PDE4D: variants seen among roughly 807,000 people sequenced by gnomAD.
PDE4D encodes phosphodiesterase 4D.
Under a neutral mutation model 87.4 loss-of-function variants are expected in PDE4D, and 24 were observed. That is an observed-to-expected ratio of 0.27 (90% CI 0.20 to 0.39). The LOEUF (loss-of-function observed/expected upper bound fraction) is 0.39. Ranked by LOEUF, PDE4D falls within the 10% of genes least tolerant of loss-of-function variation. The pLI is 1.00. For missense variants in PDE4D, 714 were observed against 1,041.0 expected (o/e 0.69, Z 4.32); for synonymous variants, 384 against 383.2 (o/e 1.00, Z -0.02).
chr5:59,743,766 T>C (rs1413571593), intron 1 of PDE4D, among the ~76,000 whole-genome samples: 1 of 152,190 alleles, frequency 6.6e-6, no homozygotes, highest in African/African-American at 2.4e-5. Context: ...ATATGACTGC[T>C]GAACAGAGTC....
intron 2 of PDE4D, among the ~76,000 whole-genome samples, chr5:60,031,753 CTT>C (rs931074163): frequency 6.6e-6 from 1 of 151,428 alleles, no homozygotes; most frequent in African/African-American, 2.4e-5. Context: ...AATAATATGT[CTT>C]ATAATAAGAG....
rs886697920 is a variant in PDE4D, at chr5:58,970,164, G to C, written c.*4500C>G. ...AGTACTATCCCCGTGGGCTGTAAGA[G>C]AGGCTAAGAAACCACTAAAAGAATA... On this transcript the variant is annotated 3_prime_UTR_variant, in exon 15 of 15. Coordinates refer to ENST00000340635, the MANE Select transcript of PDE4D (RefSeq NM_001104631.2). 2.0e-5 allele frequency: 3 copies of C among 152,078 alleles called. No homozygotes were observed. The highest frequency in any genetic ancestry group is 6.6e-5 in the Admixed American group (1 of 15,252). The allele number at this position is 152,078 out of a possible 1,614,324, so 9.4% of individuals were successfully genotyped here. A position where few individuals can be genotyped will look rare whatever the true frequency, so the allele number is the denominator to read the frequency against.
At chr5:59,841,657 G>A (rs1743009633) in intron 1 of PDE4D, among the ~76,000 whole-genome samples, 1 of 151,938 alleles carries the variant, frequency 6.6e-6, no homozygotes, top group Non-Finnish European at 1.5e-5. Flanking sequence ...AATGAGATGA[G>A]GGCTATGACA....
At chr5:59,921,538 G>C (rs542364700) in intron 3 of PDE4D, among the ~76,000 whole-genome samples, 1 of 152,170 alleles carries the variant, frequency 6.6e-6, no homozygotes, top group Non-Finnish European at 1.5e-5. Flanking sequence ...ATTGATTTTT[G>C]TTGTTTGAAA....
chr5:59,620,291 TA>T (rs1166817439), intron 1 of PDE4D, among the ~76,000 whole-genome samples: 4 of 152,168 alleles, frequency 2.6e-5, no homozygotes, highest in African/African-American at 9.7e-5. Context: ...ACACAAGGGT[TA>T]AAAATGGGGA....
At chr5:59,867,727 C>G (rs1239017544) in intron 1 of PDE4D, among the ~76,000 whole-genome samples, 1 of 152,130 alleles carries the variant, frequency 6.6e-6, no homozygotes, top group Admixed American at 6.5e-5. Flanking sequence ...TCATCCAGAT[C>G]ATGGACGATA....
chr5:60,324,320 T>C (rs1756580967), intron 1 of PDE4D, among the ~76,000 whole-genome samples: 1 of 151,846 alleles, frequency 6.6e-6, no homozygotes, highest in South Asian at 2.1e-4. Context: ...CTAACATCTG[T>C]CCTTATAATA....
chr5:59,787,619 T>C (rs187504798), intron 1 of PDE4D, among the ~76,000 whole-genome samples: 30 of 152,350 alleles, frequency 2.0e-4, no homozygotes, highest in African/African-American at 4.1e-4. Flanking sequence ...AATTAGATCA[T>C]TGAACTATAC....
intron 1 of PDE4D, among the ~76,000 whole-genome samples, chr5:60,464,723 C>A (rs1747210895): frequency 6.6e-6 from 1 of 152,186 alleles, no homozygotes; most frequent in Admixed American, 6.5e-5. Context: ...GAGAGAAAAT[C>A]AGTGCTAAAC....
chr5:59,138,869 A>C (rs2153454424), intron 5 of PDE4D, among the ~76,000 whole-genome samples: 1 of 152,324 alleles, frequency 6.6e-6, no homozygotes, highest in East Asian at 1.9e-4. Context: ...AAAACCAACT[A>C]ATATTATGAC....
intron 6 of PDE4D, among the ~76,000 whole-genome samples, chr5:59,015,734 G>A (rs1038610160): frequency 4.6e-5 from 7 of 152,156 alleles, no homozygotes; most frequent in Non-Finnish European, 2.9e-5. Context: ...CAAAGGTCTA[G>A]AACTAGAAAT....
At chr5:59,913,730 CTG>C (rs1031616615) in intron 3 of PDE4D, among the ~76,000 whole-genome samples, 1 of 151,948 alleles carries the variant, frequency 6.6e-6, no homozygotes, top group African/African-American at 2.4e-5. Context: ...TGCAAATCAA[CTG>C]TGAAAATAGC....
At chr5:59,809,287 A>G (rs114718260) in intron 1 of PDE4D, among the ~76,000 whole-genome samples, 3,465 of 152,286 alleles carry the variant, frequency 0.023, 68 homozygotes, top group Non-Finnish European at 0.035. Flanking sequence ...AGGAAAAATC[A>G]CATCTAAATT....
chr5:59,427,952 G>A (rs1795549361), intron 1 of PDE4D, among the ~76,000 whole-genome samples: 1 of 151,850 alleles, frequency 6.6e-6, no homozygotes. Context: ...AAAATTAAAA[G>A]GAAAACATTT....
At chr5:59,523,083 C>T (rs1285402137) in intron 1 of PDE4D, among the ~76,000 whole-genome samples, 1 of 152,160 alleles carries the variant, frequency 6.6e-6, no homozygotes, top group Non-Finnish European at 1.5e-5. Flanking sequence ...CAACTAATAT[C>T]ATTATTGATG....
chr5:60,286,039 T>C (rs1752386443), intron 1 of PDE4D, among the ~76,000 whole-genome samples: 1 of 152,208 alleles, frequency 6.6e-6, no homozygotes, highest in African/African-American at 2.4e-5. Flanking sequence ...AATGAAGACA[T>C]TTTGATTGGA....
intron 5 of PDE4D, among the ~76,000 whole-genome samples, chr5:59,077,848 T>C (rs1248034803): frequency 6.6e-6 from 1 of 152,164 alleles, no homozygotes; most frequent in Non-Finnish European, 1.5e-5. Flanking sequence ...AGCTAGTCTT[T>C]CTTGCATAAG....
At chr5:60,243,851 T>C (rs1482789155) in intron 1 of PDE4D, among the ~76,000 whole-genome samples, 3 of 151,796 alleles carry the variant, frequency 2.0e-5, no homozygotes, top group Admixed American at 1.3e-4. Flanking sequence ...AGTATCACAC[T>C]AAAGGAAGAA....
intron 1 of PDE4D, among the ~76,000 whole-genome samples, chr5:59,383,965 T>G (rs1248423137): frequency 1.3e-5 from 2 of 152,312 alleles, no homozygotes; most frequent in Non-Finnish European, 1.5e-5. Context: ...CACGGCTCAC[T>G]GCAGTCTCAA....
Sources: gnomAD v4.1 joint callset for allele counts (sites outside exome capture counted in the v4.1 genomes callset) on GRCh38, gnomAD v4.1.1 for gene constraint, MANE v1.5 for transcripts, NCBI Gene and HGNC (gene_info 2026-07-23, HGNC 2026-07-21) for gene names.